Variants in SPIRE2 observed in about 807,000 individuals in gnomAD.
The protein encoded by SPIRE2 is spire type actin nucleation factor 2.
SPIRE2 carries 76 observed loss-of-function variants against 80.7 expected under a neutral mutation model. The observed-to-expected ratio is 0.94, with a 90% confidence interval of 0.78 to 1.14. SPIRE2 has a LOEUF of 1.14. SPIRE2 is among the 50% of genes most tolerant of loss of function. SPIRE2 has a pLI of 0.00. For synonymous variants in SPIRE2, 535 were observed against 432.6 expected, an observed-to-expected ratio of 1.24 and a Z score of -2.94; for missense variants, 1,196 against 1,015.3, an observed-to-expected ratio of 1.18 and a Z score of -2.42.
rs780753633 is a variant in SPIRE2, at chr16:89,858,518, A to G, written c.1272+11A>G. 3 of 1,549,848 alleles carry G rather than the reference A, an allele frequency of 1.9e-6. No homozygotes were observed. The highest frequency in any genetic ancestry group is 2.0e-5 in the Admixed American group (1 of 50,868). ...ATGAATACATCTGAGGTCAGAACCC[A>G]TGGGGATTCCTGAAAAGAGACCAGG... On this transcript the variant is annotated intron_variant, in intron 8 of 14. Coordinates refer to ENST00000378247, the MANE Select transcript of SPIRE2 (RefSeq NM_032451.2).
At position 89,863,817 on chromosome 16, in the gene SPIRE2, G is replaced by C. The variant is rs777074814; in HGVS notation, c.1734G>C (p.Lys578Asn). ...AGATTTGCTGCTGCTGCCGGGCCAAGTTCCCGCTGTTCTCGTGGCCGCCCA... is the reference window on the plus strand; with the variant it reads ...AGATTTGCTGCTGCTGCCGGGCCAACTTCCCGCTGTTCTCGTGGCCGCCCA... ...KGKICCCCRA[K>N]FPLFSWPPSC... is the part of the protein sequence containing the mutation. The change falls in exon 12 of 15, where the codon AAG (lysine) becomes AAC (asparagine). Residue 578 changes from lysine (K) to asparagine (N), a missense_variant. Coordinates refer to ENST00000378247, the MANE Select transcript of SPIRE2 (RefSeq NM_032451.2). The surrounding 1 kb of genome is among the most constrained non-coding windows in gnomAD (Gnocchi z 4.3). 3 of 1,614,128 alleles carry C rather than the reference G, an allele frequency of 1.9e-6. No individual in the cohort carries two copies. Among genetic ancestry groups the C allele is most frequent in the Admixed American group, 1.7e-5 (1 of 60,010 alleles).
chr16:89,869,053 A>AAAAAACATATATATATATATAT, intron 13 of SPIRE2, among the ~76,000 whole-genome samples: 2 of 24,030 alleles, frequency 8.3e-5, no homozygotes, highest in African/African-American at 3.3e-4. Context: ...AAAAAAAAAA[A>AAAAAACATATATATATATATAT]ATATATATAT....
chr16:89,835,751 C>T (rs2041442344), intron 1 of SPIRE2, among the ~76,000 whole-genome samples: 3 of 152,170 alleles, frequency 2.0e-5, no homozygotes, highest in South Asian at 2.1e-4. Flanking sequence ...CCGGGGAAGT[C>T]GAGGACACCT....
Position 89,870,312 on chromosome 16 carries a change from G to C in SPIRE2, c.*40G>C. On this transcript the variant is annotated 3_prime_UTR_variant, in exon 15 of 15. Coordinates refer to ENST00000378247, the MANE Select transcript of SPIRE2 (RefSeq NM_032451.2). Reference sequence around the variant, plus strand: ...CAGGCCTCCAGGAGGCACCAGGCAGGCCCTGTATCAGGCTAGGACGCTCTG... The same window carrying C: ...CAGGCCTCCAGGAGGCACCAGGCAGCCCCTGTATCAGGCTAGGACGCTCTG... 1 of 1,399,496 alleles carries C rather than the reference G, an allele frequency of 7.1e-7. No individual in the cohort carries two copies. The highest frequency in any genetic ancestry group is 9.9e-7 in the Non-Finnish European group (1 of 1,008,340). The allele number at this position is 1,399,496 out of a possible 1,614,324, so 86.7% of individuals were successfully genotyped here.
Position 89,859,305 on chromosome 16 carries a change from G to T in SPIRE2, c.1413G>T (p.Arg471=), listed in dbSNP as rs1201548572. 1 of 1,597,044 alleles carries T rather than the reference G, an allele frequency of 6.3e-7. No homozygotes were observed. Residue 471 remains arginine, a synonymous_variant, in exon 9 of 15, where the codon CGG becomes CGT. Transcript: ENST00000378247. ...CCCCAGGAGGGACGGAGCCACCACG[G>T]CCCCGAGCTGGCAGTGCGCATGTGT... ...THPPGGTEPP[R]PRAGSAHVWR... is the part of the protein sequence containing the mutation.
chr16:89,851,712 G>A (rs574952386), intron 3 of SPIRE2, among the ~76,000 whole-genome samples: 63 of 152,112 alleles, frequency 4.1e-4, no homozygotes, highest in Non-Finnish European at 7.2e-4. Context: ...TGGGGTCTCT[G>A]CACACATGGG....
At chr16:89,834,617 C>T (rs1249038861) in intron 1 of SPIRE2, among the ~76,000 whole-genome samples, 1 of 115,028 alleles carries the variant, frequency 8.7e-6, no homozygotes, top group East Asian at 2.5e-4. Flanking sequence ...CCTGCCCGCA[C>T]TCGCGGTTGG....
chr16:89,836,835 AAAAAAG>A (rs2041455042), intron 1 of SPIRE2, among the ~76,000 whole-genome samples: 2 of 151,792 alleles, frequency 1.3e-5, no homozygotes, highest in African/African-American at 4.8e-5. Context: ...AAAAAAAAGA[AAAAAAG>A]AAAGTTAGCT....
At position 89,854,603 on chromosome 16, in the gene SPIRE2, G is replaced by C. The variant is rs766501159; in HGVS notation, c.843G>C (p.Met281Ile). Reference protein sequence around the residue: ...PTEFQLTPFEMLMQDIRARNY... With the variant: ...PTEFQLTPFEILMQDIRARNY... ...AGTTCCAGCTCACGCCCTTCGAGAT[G>C]CTGATGCAGGACATCCGGGCCCGGA... Residue 281 changes from methionine (M) to isoleucine (I), a missense_variant, in exon 5 of 15, where the codon ATG becomes ATC. Physicochemically the swap from Met to Ile is conservative, Grantham distance 10. Transcript: ENST00000378247. 1.4e-5 allele frequency: 23 copies of C among 1,611,530 alleles called. No individual in the cohort carries two copies. Among genetic ancestry groups the C allele is most frequent in the Middle Eastern group, 1.6e-4 (1 of 6,084 alleles).
rs575903108 is a variant in SPIRE2 at position 89,869,622 on chromosome 16, A to T, written c.1862A>T (p.Glu621Val). Reference sequence around the variant, plus strand: ...ATCCCTGTCTACACACTGGGCTTTGAGAGTCCTCAGAGGGTATCAGCTGCC... The same window carrying T: ...ATCCCTGTCTACACACTGGGCTTTGTGAGTCCTCAGAGGGTATCAGCTGCC... Reference protein sequence around the residue: ...GHIPVYTLGFESPQRVSAAKT... With the variant: ...GHIPVYTLGFVSPQRVSAAKT... Residue 621 changes from glutamate to valine, a missense_variant, in exon 14 of 15, where the codon GAG becomes GTG. Coordinates refer to ENST00000378247, the MANE Select transcript of SPIRE2 (RefSeq NM_032451.2). 6.2e-7 allele frequency: 1 copy of T among 1,614,154 alleles called. No individual in the cohort carries two copies. Among genetic ancestry groups the T allele is most frequent in the Admixed American group, 1.7e-5 (1 of 60,026 alleles).
At chr16:89,859,440 T>C (rs1472033697) in intron 9 of SPIRE2, 86 bp downstream of exon 9, 4 of 870,020 alleles carry the variant, frequency 4.6e-6, no homozygotes, top group East Asian at 6.6e-5. Context: ...TCAGCCCACA[T>C]CTTCCTGAGC....
At chr16:89,868,273 G>C (rs540920878) in intron 13 of SPIRE2, 57 bp downstream of exon 13, 72 of 1,565,240 alleles carry the variant, frequency 4.6e-5, no homozygotes, top group Non-Finnish European at 6.2e-5. Flanking sequence ...GGCTCCACTG[G>C]CTTTGATTGG....
At chr16:89,853,884 G>T (rs1238694479) in intron 3 of SPIRE2, among the ~76,000 whole-genome samples, 1 of 152,198 alleles carries the variant, frequency 6.6e-6, no homozygotes, top group African/African-American at 2.4e-5. Context: ...CCATCCACCT[G>T]TCCACCACGT....
intron 10 of SPIRE2, chr16:89,862,573 C>T: frequency 6.6e-6 from 1 of 152,430 alleles, no homozygotes; most frequent in Non-Finnish European, 1.5e-5. Flanking sequence ...GTTGGCGTCA[C>T]ACCTGTGGCA....
rs2041759544 is a variant in SPIRE2 at position 89,863,217 on chromosome 16, A to C, written c.1576-259A>C. ...CCTTGAACAGACATGGGCTGAGGGG[A>C]GTTTGTGTGGAGCGTGGCCAGTGAA... On this transcript the variant is annotated intron_variant, in intron 10 of 14. Transcript: ENST00000378247. The surrounding 1 kb of genome is among the most constrained non-coding windows in gnomAD (Gnocchi z 4.3). The C allele has an allele frequency of 3.8e-6, 2 of 526,972 alleles. No individual in the cohort carries two copies. The highest frequency in any genetic ancestry group is 1.9e-5 in the African/African-American group (1 of 51,958). The allele number at this position is 526,972 out of a possible 1,614,324, so 32.6% of individuals were successfully genotyped here.
At chr16:89,867,483 T>C (rs1172930913) in intron 12 of SPIRE2, among the ~76,000 whole-genome samples, 1 of 152,046 alleles carries the variant, frequency 6.6e-6, no homozygotes, top group Non-Finnish European at 1.5e-5. Flanking sequence ...GGTTTTTGTT[T>C]TTAAACTTTC....
chr16:89,853,396 G>A (rs1347173958), intron 3 of SPIRE2, among the ~76,000 whole-genome samples: 1 of 152,212 alleles, frequency 6.6e-6, no homozygotes, highest in African/African-American at 2.4e-5. Context: ...AGTGAGAGAA[G>A]GGTCTCTCCA....
Position 89,856,049 on chromosome 16 carries a change from G to A in SPIRE2, c.979-64G>A, listed in dbSNP as rs867396263. 1.0e-5 allele frequency: 16 copies of A among 1,580,300 alleles called. No homozygotes were observed. In the East Asian group the frequency reaches 1.8e-4, roughly 18 times the overall value. ...CCACCACAGGTCCCGCTTCCCCACC[G>A]CAGGTCCCGCTTCCCCACCGCAGGT... On this transcript the variant is annotated intron_variant, in intron 6 of 14. Coordinates refer to ENST00000378247, the MANE Select transcript of SPIRE2 (RefSeq NM_032451.2).
At chr16:89,869,926 T>C in intron 14 of SPIRE2, 124 bp from the exon 15 acceptor site, 2 of 838,116 alleles carry the variant, frequency 2.4e-6, no homozygotes, top group Non-Finnish European at 1.9e-6. Flanking sequence ...GTTTGTTGCC[T>C]GAGGGCCAAG....
Sources: allele counts gnomAD v4.1 joint callset (sites outside exome capture counted in the v4.1 genomes callset), GRCh38; gene constraint gnomAD v4.1.1; non-coding constraint Gnocchi (gnomAD v3.1); transcripts MANE v1.5; gene names NCBI Gene and HGNC (gene_info 2026-07-23, HGNC 2026-07-21).